Variants in ARF5 observed in about 807,000 individuals in gnomAD.
ARF5 encodes ARF GTPase 5.
ARF5 carries 10 observed loss-of-function variants against 24.8 expected under a neutral mutation model. That is an observed-to-expected ratio of 0.40 (90% confidence interval 0.25 to 0.68). The LOEUF (loss-of-function observed/expected upper bound fraction) is 0.68, where lower values mean the gene tolerates loss of function less well. Ranked by LOEUF, ARF5 falls within the 30% of genes least tolerant of loss-of-function variation. The pLI is 0.36. For synonymous variants in ARF5, 102 were observed against 95.1 expected, an observed-to-expected ratio of 1.07 and a Z score of -0.42; for missense variants, 135 against 239.2, an observed-to-expected ratio of 0.56 and a Z score of 2.87.
chr7:127,588,540 GA>G lies in ARF5; in HGVS notation c.44del (p.Lys15ArgfsTer23). ...CCGCGCTCTTTTCGCGGATCTTCGG[GA>G]AGAAGCAGATGCGGATTCTCATGGG... ...VSALFSRIFG[K>X]KQMRILMVGL... On this transcript the variant is annotated frameshift_variant, in exon 1 of 6. Coordinates refer to ENST00000000233, the MANE Select transcript of ARF5 (RefSeq NM_001662.4). 1 of 1,465,380 alleles carries G rather than the reference GA, an allele frequency of 6.8e-7. No homozygotes were observed. Among genetic ancestry groups the G allele is most frequent in the South Asian group, 1.3e-5 (1 of 74,476 alleles). 90.8% of individuals were successfully genotyped at this position (1,465,380 alleles called of 1,614,324 possible). A position where few individuals can be genotyped will look rare whatever the true frequency, so the allele number is the denominator to read the frequency against.
intron 1 of ARF5, chr7:127,588,810 G>A (rs1019661749): frequency 2.2e-5 from 13 of 579,346 alleles, no homozygotes; most frequent in Admixed American, 3.4e-5. Context: ...GGTAAGAAGG[G>A]AGGATTCCGC....
intron 4 of ARF5, 108 bp from the exon 5 acceptor site, chr7:127,590,855 G>T: frequency 7.0e-7 from 1 of 1,423,632 alleles, no homozygotes; most frequent in Non-Finnish European, 9.5e-7. Flanking sequence ...ACGGCAGACT[G>T]CACAATACTT....
chr7:127,590,522 G>A (rs545362966), intron 4 of ARF5, among the ~76,000 whole-genome samples: 4 of 152,136 alleles, frequency 2.6e-5, no homozygotes, highest in South Asian at 2.1e-4. Context: ...TAGTAGAGAC[G>A]GGGTTTCACC....
In ARF5 at chr7:127,590,335, CT is replaced by C. The variant is rs1053092786; in HGVS notation, c.330+211del. Among the ~76,000 whole-genome samples the C allele has an allele frequency of 7.9e-3, 1,143 of 144,456 alleles. 6 individuals are homozygous for C. Among genetic ancestry groups the C allele is most frequent in the South Asian group, 0.033 (151 of 4,608 alleles). 94.8% of individuals were successfully genotyped at this position (144,456 alleles called of 152,430 possible). A position where few individuals can be genotyped will look rare whatever the true frequency, so the allele number is the denominator to read the frequency against. ...TCACTTTTTCTGTGCATTGTCTTGT[CT>C]TTTTTTTTTTTTGAAATGGGAGTTT... On this transcript the variant is annotated intron_variant, in intron 4 of 5. Transcript: ENST00000000233.
intron 3 of ARF5, 157 bp downstream of exon 3, chr7:127,589,751 C>T: frequency 1.6e-6 from 1 of 636,288 alleles, no homozygotes; most frequent in Non-Finnish European, 2.7e-6. Flanking sequence ...CTCTTCAGAA[C>T]TCACCTTAGT....
At chr7:127,589,420 A>G (rs780471979) in intron 2 of ARF5, 65 bp from the exon 3 acceptor site, 6 of 1,349,088 alleles carry the variant, frequency 4.4e-6, no homozygotes, top group Non-Finnish European at 5.3e-6. Flanking sequence ...GCTGAAATCT[A>G]AGTAGTTTTA....
Position 127,591,564 on chromosome 7 carries a change from G to T in ARF5, c.*265G>T, listed in dbSNP as rs1337570489. 2 of 459,520 alleles carry T rather than the reference G, an allele frequency of 4.4e-6. No individual in the cohort carries two copies. The highest frequency in any genetic ancestry group is 4.1e-5 in the African/African-American group (2 of 48,622). The allele number at this position is 459,520 out of a possible 1,614,324, so 28.5% of individuals were successfully genotyped here. The stretch of plus-strand genomic sequence containing the variant: ...CAAGGCCCCCTCTTCCAGAGGAGGA[G>T]CAGGGATCTGGGTTTCCTTTTTTTT... On this transcript the variant is annotated 3_prime_UTR_variant, in exon 6 of 6. Transcript: ENST00000000233.
chr7:127,591,307 GGGGCA>G lies in ARF5; in HGVS notation c.*11_*15del. 1 of 1,585,228 alleles carries G rather than the reference GGGGCA, an allele frequency of 6.3e-7. No homozygotes were observed. The highest frequency in any genetic ancestry group is 8.6e-7 in the Non-Finnish European group (1 of 1,169,402). On this transcript the variant is annotated 3_prime_UTR_variant, in exon 6 of 6. Transcript: ENST00000000233. ...GAGCTGTCAAAGCGCTAACCAGCCA[GGGGCA>G]GGCCCCTGATGCCCGGAAGCTCCTG...
At chr7:127,591,157 T>C (rs969831020) in intron 5 of ARF5, 56 bp from the exon 6 acceptor site, 30 of 1,608,544 alleles carry the variant, frequency 1.9e-5, no homozygotes, top group Admixed American at 3.5e-5. Context: ...GACAGAGATA[T>C]AAAGGCATTC....
At position 127,588,470 on chromosome 7, in the gene ARF5, G is replaced by T; in HGVS notation, c.-29G>T. On this transcript the variant is annotated 5_prime_UTR_variant, in exon 1 of 6. Coordinates refer to ENST00000000233, the MANE Select transcript of ARF5 (RefSeq NM_001662.4). ...CCAGTTCCAGCCCGCACCCCGCGTCGGTGCCCGCGCCCCTCCCCGGGCCCC... is the reference window on the plus strand; with the variant it reads ...CCAGTTCCAGCCCGCACCCCGCGTCTGTGCCCGCGCCCCTCCCCGGGCCCC... The T allele has an allele frequency of 7.1e-7, 1 of 1,405,236 alleles. No individual in the cohort carries two copies. The highest frequency in any genetic ancestry group is 1.5e-5 in the South Asian group (1 of 65,780). 87.0% of individuals were successfully genotyped at this position (1,405,236 alleles called of 1,614,324 possible). A position where few individuals can be genotyped will look rare whatever the true frequency, so the allele number is the denominator to read the frequency against.
intron 1 of ARF5, 37 bp downstream of exon 1, chr7:127,588,602 C>G: frequency 7.6e-6 from 10 of 1,313,822 alleles, no homozygotes; most frequent in Non-Finnish European, 9.8e-6. Context: ...GACCGGGGCG[C>G]CGGCCCCGGC....
Position 127,588,578 on chromosome 7 carries a change from G to A in ARF5, c.67+13G>A, listed in dbSNP as rs1275835703. On this transcript the variant is annotated intron_variant, in intron 1 of 5. Coordinates refer to ENST00000000233, the MANE Select transcript of ARF5 (RefSeq NM_001662.4). ...CGGATTCTCATGGGTGAGGCAGATC[G>A]AGCGCGCGGCCCGGACCGGGGCGCC... 3 of 1,400,458 alleles carry A rather than the reference G, an allele frequency of 2.1e-6. No individual in the cohort carries two copies. Among genetic ancestry groups the A allele is most frequent in the South Asian group, 3.1e-5 (2 of 64,742 alleles). The allele number at this position is 1,400,458 out of a possible 1,614,324, so 86.8% of individuals were successfully genotyped here.
chr7:127,589,214 G>T, intron 2 of ARF5, 51 bp downstream of exon 2: 1 of 1,593,962 alleles, frequency 6.3e-7, no homozygotes, highest in Non-Finnish European at 8.6e-7. Flanking sequence ...GGGCCCTCGC[G>T]GGGTCTGCTC....
At position 127,589,613 on chromosome 7, in the gene ARF5, A is replaced by T; in HGVS notation, c.258+19A>T. 1.3e-6 allele frequency: 2 copies of T among 1,574,012 alleles called. No individual in the cohort carries two copies. Among genetic ancestry groups the T allele is most frequent in the South Asian group, 2.2e-5 (2 of 89,550 alleles). On this transcript the variant is annotated intron_variant, in intron 3 of 5. Transcript: ENST00000000233. ...CACTCAGGTGGAGTGTTGGGAGGGG[A>T]CTTTCTAACCCCACGGGAAAAGGTG...
intron 3 of ARF5, 76 bp downstream of exon 3, chr7:127,589,670 G>C: frequency 7.9e-7 from 1 of 1,258,782 alleles, no homozygotes; most frequent in South Asian, 1.3e-5. Context: ...TGTTGGCCTA[G>C]GCTGGGCCCC....
Position 127,591,364 on chromosome 7 carries a change from C to A in ARF5, c.*65C>A. On this transcript the variant is annotated 3_prime_UTR_variant, in exon 6 of 6. Transcript: ENST00000000233. ...GTGCATCCCCGGGATGACCAGACTC[C>A]CGGACTCCTCAGGCAGTGCCCTTTC... is the stretch of plus-strand genomic sequence containing the variant. The A allele has an allele frequency of 1.4e-6, 2 of 1,404,290 alleles. No homozygotes were observed. The highest frequency in any genetic ancestry group is 1.9e-6 in the Non-Finnish European group (2 of 1,044,940). 87.0% of individuals were successfully genotyped at this position (1,404,290 alleles called of 1,614,324 possible).
intron 1 of ARF5, 126 bp downstream of exon 1, chr7:127,588,691 C>T: frequency 1.1e-6 from 1 of 935,014 alleles, no homozygotes; most frequent in East Asian, 3.2e-5. Context: ...CATAACGCCC[C>T]GGGGCCTCTG....
chr7:127,588,438 C>A lies in ARF5; in HGVS notation c.-61C>A. 8.6e-7 allele frequency: 1 copy of A among 1,161,318 alleles called. No individual in the cohort carries two copies. The highest frequency in any genetic ancestry group is 1.1e-6 in the Non-Finnish European group (1 of 890,372). 71.9% of individuals were successfully genotyped at this position (1,161,318 alleles called of 1,614,324 possible). On this transcript the variant is annotated 5_prime_UTR_variant, in exon 1 of 6. Coordinates refer to ENST00000000233, the MANE Select transcript of ARF5 (RefSeq NM_001662.4). ...GCTGCTGCTGCGCCCCATCCCCCCG[C>A]GGCCGGCCAGTTCCAGCCCGCACCC...
At chr7:127,588,870 G>C in intron 1 of ARF5, 4 of 603,526 alleles carry the variant, frequency 6.6e-6, no homozygotes, top group South Asian at 6.2e-5. Flanking sequence ...CGTGCCCCTT[G>C]CCTCCCAGTC....
Sources: gnomAD v4.1 joint callset for allele counts (sites outside exome capture counted in the v4.1 genomes callset) on GRCh38, gnomAD v4.1.1 for gene constraint, MANE v1.5 for transcripts, NCBI Gene and HGNC (gene_info 2026-07-23, HGNC 2026-07-21) for gene names.